DCDC1: variants seen among roughly 807,000 people sequenced by gnomAD.
The protein encoded by DCDC1 is doublecortin domain-containing protein 1.
Under a neutral mutation model 178.3 loss-of-function variants are expected in DCDC1, and 200 were observed. That is an observed-to-expected ratio of 1.12 (90% CI 1.00 to 1.26). The LOEUF (loss-of-function observed/expected upper bound fraction) is 1.26. Among genes scored for constraint, DCDC1 ranks in the 50% most tolerant of loss-of-function variants. The pLI is 0.00. For missense variants in DCDC1, 1,983 were observed against 1,749.2 expected (o/e 1.13, Z -2.38); for synonymous variants, 690 against 604.8 (o/e 1.14, Z -2.07).
chr11:30,998,627 A>T (rs1048717687), intron 20 of DCDC1, among the ~76,000 whole-genome samples: 3 of 152,198 alleles, frequency 2.0e-5, no homozygotes, highest in African/African-American at 7.2e-5. Flanking sequence ...TACAGACAAA[A>T]CGCATTAATG....
intron 11 of DCDC1, among the ~76,000 whole-genome samples, chr11:31,112,258 T>C (rs1959189922): frequency 6.6e-6 from 1 of 152,184 alleles, no homozygotes. Context: ...AATATGCCTA[T>C]TTTTAAAATG....
intron 20 of DCDC1, among the ~76,000 whole-genome samples, chr11:31,025,078 A>G (rs965913013): frequency 6.6e-6 from 1 of 151,868 alleles, no homozygotes; most frequent in Non-Finnish European, 1.5e-5. Flanking sequence ...TGTTATCTAT[A>G]GTAATTTCAA....
At chr11:31,188,840 A>G (rs1166161864) in intron 9 of DCDC1, among the ~76,000 whole-genome samples, 1 of 152,204 alleles carries the variant, frequency 6.6e-6, no homozygotes, top group East Asian at 1.9e-4. Flanking sequence ...TGCAAAATTC[A>G]TATGTTGAAA....
At chr11:31,349,806 T>C (rs1206088649) in intron 1 of DCDC1, among the ~76,000 whole-genome samples, 1 of 152,048 alleles carries the variant, frequency 6.6e-6, no homozygotes. Context: ...TTCAAGTCCA[T>C]ACTGGACAAC....
At chr11:31,113,778 T>C (rs1344650578) in intron 11 of DCDC1, among the ~76,000 whole-genome samples, 2 of 152,150 alleles carry the variant, frequency 1.3e-5, no homozygotes, top group Non-Finnish European at 2.9e-5. Context: ...ATCTCTAGCA[T>C]GGTTAATAAA....
In DCDC1 at chr11:31,305,837, C is replaced by T. The variant is rs1948422010; in HGVS notation, c.592-60G>A. On this transcript the variant is annotated intron_variant, in intron 5 of 38. Coordinates refer to ENST00000684477, the MANE Select transcript of DCDC1 (RefSeq NM_001387274.1). ...ACTACAAAGAAAGTAATATATTTCC[C>T]TCAAAACAAAAGGTTCTAATGATCA... The T allele has an allele frequency of 3.2e-6, 5 of 1,563,704 alleles. No homozygotes were observed. In the South Asian group the frequency reaches 3.6e-5, roughly 11 times the overall value.
chr11:31,112,630 T>C (rs1296387210), intron 11 of DCDC1, among the ~76,000 whole-genome samples: 1 of 152,154 alleles, frequency 6.6e-6, no homozygotes, highest in Non-Finnish European at 1.5e-5. Flanking sequence ...GCAGATCCTG[T>C]TGAAAAACAT....
intron 3 of DCDC1, among the ~76,000 whole-genome samples, chr11:31,321,891 G>T (rs2137784441): frequency 6.6e-6 from 1 of 152,274 alleles, no homozygotes; most frequent in Non-Finnish European, 1.5e-5. Context: ...ATCACGATTA[G>T]CTCTGAAGAA....
chr11:30,964,160 T>A (rs1379366249), intron 20 of DCDC1, among the ~76,000 whole-genome samples: 1 of 152,168 alleles, frequency 6.6e-6, no homozygotes, highest in African/African-American at 2.4e-5. Flanking sequence ...CTTGCCTATG[T>A]AAACAACACA....
At chr11:31,268,945 C>G (rs997082617) in intron 7 of DCDC1, among the ~76,000 whole-genome samples, 4 of 152,174 alleles carry the variant, frequency 2.6e-5, no homozygotes, top group African/African-American at 9.7e-5. Context: ...CTCAAAGATT[C>G]CCCTTTTCAT....
chr11:31,268,724 T>G (rs1945347473), intron 7 of DCDC1, among the ~76,000 whole-genome samples: 1 of 152,210 alleles, frequency 6.6e-6, no homozygotes. Flanking sequence ...ATTTTTCTTT[T>G]GGATATATAT....
intron 7 of DCDC1, among the ~76,000 whole-genome samples, chr11:31,270,656 T>C (rs554735184): frequency 6.6e-6 from 1 of 152,330 alleles, no homozygotes; most frequent in African/African-American, 2.4e-5. Flanking sequence ...GAGAATTTAT[T>C]CTCTCCTATC....
At chr11:31,002,619 A>G (rs1951636953) in intron 20 of DCDC1, among the ~76,000 whole-genome samples, 1 of 152,194 alleles carries the variant, frequency 6.6e-6, no homozygotes, top group South Asian at 2.1e-4. Context: ...TATAATTTCT[A>G]TTGCTGTAAG....
At chr11:31,090,465 T>C (rs1302580656) in intron 17 of DCDC1, among the ~76,000 whole-genome samples, 1 of 152,160 alleles carries the variant, frequency 6.6e-6, no homozygotes, top group African/African-American at 2.4e-5. Flanking sequence ...CCTGTAAAGA[T>C]AATAATGATA....
At chr11:31,344,691 T>C (rs974483197) in intron 1 of DCDC1, among the ~76,000 whole-genome samples, 4 of 152,226 alleles carry the variant, frequency 2.6e-5, no homozygotes, top group African/African-American at 9.6e-5. Context: ...ACAGTTCATG[T>C]AGATTTTCCA....
chr11:31,211,109 T>TGGATG (rs1972478780), intron 9 of DCDC1, among the ~76,000 whole-genome samples: 1 of 152,218 alleles, frequency 6.6e-6, no homozygotes, highest in Admixed American at 6.5e-5. Context: ...CTCTCATCTG[T>TGGATG]AGATGATCAT....
At chr11:31,250,421 C>CATATACATAT (rs1943920511) in intron 8 of DCDC1, among the ~76,000 whole-genome samples, 14 of 52,936 alleles carry the variant, frequency 2.6e-4, no homozygotes, top group African/African-American at 7.1e-4. Context: ...CACACATATA[C>CATATACATAT]ATATATATGT....
chr11:31,065,279 A>G (rs1956183374), intron 18 of DCDC1, 126 bp from the exon 19 acceptor site: 1 of 476,994 alleles, frequency 2.1e-6, no homozygotes, highest in East Asian at 3.1e-5. Context: ...TAAACTTTGT[A>G]CTTTATTATC....
intron 18 of DCDC1, among the ~76,000 whole-genome samples, chr11:31,076,377 C>T (rs142628615): frequency 3.9e-5 from 6 of 152,184 alleles, no homozygotes; most frequent in African/African-American, 1.4e-4. Context: ...GAGGCAAGAT[C>T]TCACTTTGTC....
Sources: gnomAD v4.1 joint callset for allele counts (sites outside exome capture counted in the v4.1 genomes callset) on GRCh38, gnomAD v4.1.1 for gene constraint, MANE v1.5 for transcripts, NCBI Gene and HGNC (gene_info 2026-07-23, HGNC 2026-07-21) for gene names.